ENPP2: variants seen among roughly 807,000 people sequenced by gnomAD.
ENPP2 encodes autotaxin.
A neutral mutation model predicts 120.2 loss-of-function variants in ENPP2; 51 were observed. That is an observed-to-expected ratio of 0.42 (90% CI 0.34 to 0.54). ENPP2 has a LOEUF of 0.54. Ranked by LOEUF, ENPP2 falls within the 20% of genes least tolerant of loss-of-function variation. The probability of loss-of-function intolerance (pLI) is 0.04; values close to 1 mark genes in which losing one functional copy is unlikely to be tolerated. For synonymous variants in ENPP2, 365 were observed against 366.4 expected, an observed-to-expected ratio of 1.00 and a Z score of 0.04; for missense variants, 920 against 1,066.5, an observed-to-expected ratio of 0.86 and a Z score of 1.91.
intron 11 of ENPP2, among the ~76,000 whole-genome samples, chr8:119,594,592 A>C (rs1385169302): frequency 6.6e-6 from 1 of 152,228 alleles, no homozygotes; most frequent in African/African-American, 2.4e-5. Flanking sequence ...CCTAAAAAAC[A>C]TTACCCATAT....
Position 119,590,640 on chromosome 8 carries a change from G to A in ENPP2, c.1082-10C>T, listed in dbSNP as rs904708536. 2.7e-6 allele frequency: 4 copies of A among 1,472,156 alleles called. No homozygotes were observed. Among genetic ancestry groups the A allele is most frequent in the Non-Finnish European group, 3.6e-6 (4 of 1,106,098 alleles). The allele number at this position is 1,472,156 out of a possible 1,614,324, so 91.2% of individuals were successfully genotyped here. On this transcript the variant is annotated splice_polypyrimidine_tract_variant and intron_variant, in intron 12 of 24. Coordinates refer to ENST00000075322, the MANE Select transcript of ENPP2 (RefSeq NM_001040092.3). ...GTGACATCTTCCATTCCTATGGGGAGGGAGAAAAAGAATATTTTCAGGCAA... is the reference window on the plus strand; with the variant it reads ...GTGACATCTTCCATTCCTATGGGGAAGGAGAAAAAGAATATTTTCAGGCAA...
chr8:119,570,202 G>A (rs1431613379), intron 20 of ENPP2, among the ~76,000 whole-genome samples: 4 of 150,642 alleles, frequency 2.7e-5, no homozygotes, highest in Non-Finnish European at 5.9e-5. Context: ...CCAGGAGGCA[G>A]AGGTTGCAGT....
intron 1 of ENPP2, among the ~76,000 whole-genome samples, chr8:119,647,026 T>C (rs865983076): frequency 1.0e-3 from 154 of 151,398 alleles, no homozygotes; most frequent in African/African-American, 3.1e-3. Flanking sequence ...GAGACAGAGT[T>C]TGGCTCTGTC....
chr8:119,671,257 C>A (rs530036656), intron 1 of ENPP2, among the ~76,000 whole-genome samples: 1 of 151,682 alleles, frequency 6.6e-6, no homozygotes, highest in South Asian at 2.1e-4. Flanking sequence ...GCTGAGATTG[C>A]GCCACTGCAC....
chr8:119,558,774 C>CA (rs1813683571), intron 24 of ENPP2, among the ~76,000 whole-genome samples: 1 of 152,024 alleles, frequency 6.6e-6, no homozygotes, highest in Admixed American at 6.5e-5. Flanking sequence ...CAATGGCTTC[C>CA]AAGAGCCCTT....
chr8:119,569,425 A>C (rs1814766666), intron 20 of ENPP2, 55 bp from the exon 21 acceptor site: 1 of 1,572,646 alleles, frequency 6.4e-7, no homozygotes, highest in Non-Finnish European at 8.7e-7. Flanking sequence ...CGAACGGCTG[A>C]AATCAAAACC....
chr8:119,597,308 G>A lies in ENPP2; in HGVS notation c.972+3370C>T, dbSNP rs114394472. On this transcript the variant is annotated intron_variant, in intron 11 of 24. Coordinates refer to ENST00000075322, the MANE Select transcript of ENPP2 (RefSeq NM_001040092.3). The stretch of plus-strand genomic sequence containing the variant: ...TGGTCACTGAATACATTCTGCTAGC[G>A]CTCAAGTCGGCCCATCAAACTCTAT... Among the ~76,000 whole-genome samples the A allele has an allele frequency of 4.7e-3, 722 of 152,262 alleles. 3 individuals carry two copies. Among genetic ancestry groups the A allele is most frequent in the African/African-American group, 0.017 (686 of 41,552 alleles).
rs1222182444 is a variant in ENPP2 at position 119,592,811 on chromosome 8, G to A, written c.1081+941C>T. On this transcript the variant is annotated intron_variant, in intron 12 of 24. Coordinates refer to ENST00000075322, the MANE Select transcript of ENPP2 (RefSeq NM_001040092.3). The stretch of plus-strand genomic sequence containing the variant: ...TATCTAGCCCACTCAAGAGGAGAAA[G>A]CTAATCCCTTTGGCTTTTTTTTTTT... 4 of 171,492 alleles carry A rather than the reference G, an allele frequency of 2.3e-5. No homozygotes were observed. In the Admixed American group the frequency reaches 2.9e-4, roughly 13 times the overall value. The allele number at this position is 171,492 out of a possible 1,614,324, so 10.6% of individuals were successfully genotyped here.
chr8:119,621,973 C>T (rs1815932764), intron 3 of ENPP2, among the ~76,000 whole-genome samples: 1 of 152,106 alleles, frequency 6.6e-6, no homozygotes, highest in Non-Finnish European at 1.5e-5. Context: ...CTCTTGCCCA[C>T]TCTGGAGTGC....
At chr8:119,668,795 G>A (rs147155864) in intron 1 of ENPP2, among the ~76,000 whole-genome samples, 279 of 152,148 alleles carry the variant, frequency 1.8e-3, no homozygotes, top group African/African-American at 6.0e-3. Flanking sequence ...TTTATCATCC[G>A]TTTAAATCTC....
At chr8:119,585,756 T>C (rs1273046418) in intron 15 of ENPP2, among the ~76,000 whole-genome samples, 1 of 149,986 alleles carries the variant, frequency 6.7e-6, no homozygotes, top group Admixed American at 6.6e-5. Context: ...AATAACAGAG[T>C]TTTTAACATT....
chr8:119,586,412 C>T, intron 14 of ENPP2, 99 bp from the exon 15 acceptor site: 2 of 1,101,932 alleles, frequency 1.8e-6, no homozygotes, highest in Admixed American at 2.0e-5. Context: ...TTAAGCCTAA[C>T]CAAAGGTTAA....
intron 3 of ENPP2, among the ~76,000 whole-genome samples, chr8:119,625,408 C>T (rs981102075): frequency 6.6e-6 from 1 of 152,042 alleles, no homozygotes; most frequent in Non-Finnish European, 1.5e-5. Context: ...ATTGCAGGGA[C>T]GCAGGAGGAA....
intron 8 of ENPP2, among the ~76,000 whole-genome samples, chr8:119,613,415 A>G: frequency 6.6e-6 from 1 of 152,226 alleles, no homozygotes. Context: ...ACTAGAGTTT[A>G]TGCTAGGACA....
chr8:119,557,807 C>T lies in ENPP2; in HGVS notation c.2422-116G>A, dbSNP rs185102420. 6.5e-4 allele frequency: 513 copies of T among 795,228 alleles called. 5 individuals are homozygous for T. The highest frequency in any genetic ancestry group is 1.1e-3 in the Admixed American group (34 of 31,340). The allele number at this position is 795,228 out of a possible 1,614,324, so 49.3% of individuals were successfully genotyped here. A position where few individuals can be genotyped will look rare whatever the true frequency, so the allele number is the denominator to read the frequency against. On this transcript the variant is annotated intron_variant, in intron 24 of 24. Transcript: ENST00000075322. Reference sequence around the variant, plus strand: ...TGTGCACTCTTGCACACAGAGCCAACGCATGTTGATCCTTCCTGGCCTCCC... The same window carrying T: ...TGTGCACTCTTGCACACAGAGCCAATGCATGTTGATCCTTCCTGGCCTCCC...
chr8:119,627,853 C>T lies in ENPP2; in HGVS notation c.137-1133G>A, dbSNP rs185166445. On this transcript the variant is annotated intron_variant, in intron 2 of 24. Transcript: ENST00000075322. ...CTCCAGCCTGGGTAACAGAGTGAAA[C>T]TCCGTCTTAAAAATATATATATATA... Among the ~76,000 whole-genome samples, 1,037 of 125,312 alleles carry T rather than the reference C, an allele frequency of 8.3e-3. 11 individuals carry two copies. Among genetic ancestry groups the T allele is most frequent in the African/African-American group, 0.033 (1,002 of 30,486 alleles). The allele number at this position is 125,312 out of a possible 152,430, so 82.2% of individuals were successfully genotyped here. A position where few individuals can be genotyped will look rare whatever the true frequency, so the allele number is the denominator to read the frequency against.
chr8:119,673,280 G>C (rs1406388769), exon 1 of ENPP2: 10 of 1,535,216 alleles, frequency 6.5e-6, no homozygotes, highest in Non-Finnish European at 7.8e-6. Context: ...CATGCTGCGG[G>C]AGTCTCGGCG....
At chr8:119,572,580 T>C (rs1815094972) in intron 19 of ENPP2, 2 of 248,900 alleles carry the variant, frequency 8.0e-6, no homozygotes, top group African/African-American at 2.2e-5. Flanking sequence ...GTTAGCAACA[T>C]TACACTATCA....
intron 15 of ENPP2, among the ~76,000 whole-genome samples, chr8:119,584,356 T>C (rs1812961100): frequency 6.6e-6 from 1 of 152,148 alleles, no homozygotes; most frequent in African/African-American, 2.4e-5. Flanking sequence ...GGTGCTTCGC[T>C]AGCTCTGAGA....
Sources: gnomAD v4.1 joint callset for allele counts (sites outside exome capture counted in the v4.1 genomes callset) on GRCh38, gnomAD v4.1.1 for gene constraint, MANE v1.5 for transcripts, NCBI Gene and HGNC (gene_info 2026-07-23, HGNC 2026-07-21) for gene names.